Variants in ZNF292 observed in about 807,000 individuals in gnomAD.
ZNF292 encodes the protein zinc finger protein 292, also known as 16 zinc-finger domain protein.
ZNF292 carries 26 observed loss-of-function variants against 217.9 expected under a neutral mutation model. The observed-to-expected ratio is 0.12, with a 90% CI of 0.09 to 0.17. The LOEUF (loss-of-function observed/expected upper bound fraction) is 0.17. Ranked by LOEUF, ZNF292 falls within the 10% of genes least tolerant of loss-of-function variation. The pLI is 1.00. For synonymous variants in ZNF292, 1,257 were observed against 1,124.1 expected (o/e 1.12, Z -2.37); for missense variants, 2,904 against 3,175.2 (o/e 0.91, Z 2.05).
Position 87,260,501 on chromosome 6 carries a change from G to A in ZNF292, c.6872G>A (p.Arg2291His), listed in dbSNP as rs780239535. Residue 2291 changes from arginine (R) to histidine (H), a missense_variant, in exon 8 of 8, where the codon CGT becomes CAT. Physicochemically the swap from Arg to His is conservative, Grantham distance 29. Coordinates refer to ENST00000369577, the MANE Select transcript of ZNF292 (RefSeq NM_015021.3). ...HNDKHKAHLI[R>H]PRRLTPGQEN... Reference sequence around the variant, plus strand: ...GACAAACATAAGGCTCATTTGATTCGTCCAAGAAGATTAACACCAGGCCAG... The same window carrying A: ...GACAAACATAAGGCTCATTTGATTCATCCAAGAAGATTAACACCAGGCCAG... 7 of 1,613,330 alleles carry A rather than the reference G, an allele frequency of 4.3e-6. No homozygotes were observed. Among genetic ancestry groups the A allele is most frequent in the South Asian group, 1.1e-5 (1 of 91,036 alleles).
intron 1 of ZNF292, among the ~76,000 whole-genome samples, chr6:87,193,537 CCA>C (rs1491555329): frequency 1.3e-5 from 2 of 149,486 alleles, no homozygotes; most frequent in Non-Finnish European, 3.0e-5. Context: ...GAGAGACCTT[CCA>C]AAAAAAAAAA....
intron 5 of ZNF292, among the ~76,000 whole-genome samples, chr6:87,235,727 C>G (rs1773873030): frequency 6.6e-6 from 1 of 152,210 alleles, no homozygotes; most frequent in East Asian, 1.9e-4. Flanking sequence ...CTGGGTACTT[C>G]CAGTGTCATA....
intron 1 of ZNF292, among the ~76,000 whole-genome samples, chr6:87,211,949 G>T (rs1340153864): frequency 6.6e-6 from 1 of 152,104 alleles, no homozygotes; most frequent in South Asian, 2.1e-4. Context: ...TCTTGAAGGG[G>T]TGTCGTAACA....
At chr6:87,185,794 T>A (rs1040357997) in intron 1 of ZNF292, among the ~76,000 whole-genome samples, 2 of 152,152 alleles carry the variant, frequency 1.3e-5, no homozygotes, top group Non-Finnish European at 2.9e-5. Flanking sequence ...TTTTTATTTT[T>A]TATTTTTTAA....
intron 1 of ZNF292, among the ~76,000 whole-genome samples, chr6:87,203,633 T>C (rs956881381): frequency 6.6e-6 from 1 of 151,782 alleles, no homozygotes; most frequent in Admixed American, 6.6e-5. Flanking sequence ...CAGAGTGGAA[T>C]GTCAAAGCCC....
intron 1 of ZNF292, among the ~76,000 whole-genome samples, chr6:87,187,923 T>G (rs1452138554): frequency 6.6e-6 from 1 of 152,130 alleles, no homozygotes; most frequent in African/African-American, 2.4e-5. Flanking sequence ...ATTCACCAAC[T>G]GCTACCTATC....
chr6:87,260,377 A>T lies in ZNF292; in HGVS notation c.6748A>T (p.Thr2250Ser). The T allele has an allele frequency of 6.2e-7, 1 of 1,613,566 alleles. No homozygotes were observed. The highest frequency in any genetic ancestry group is 1.1e-5 in the South Asian group (1 of 91,066). Residue 2250 changes from threonine (T) to serine (S), a missense_variant, in exon 8 of 8, where the codon ACA (threonine) becomes TCA (serine). Physicochemically the swap from Thr to Ser is moderately conservative, Grantham distance 58. Transcript: ENST00000369577. Reference sequence around the variant, plus strand: ...CGGGATTGGACTAAGGGCAAGTAAAACAGAAGAAGATGGTGTATACAAATG... The same window carrying T: ...CGGGATTGGACTAAGGGCAAGTAAATCAGAAGAAGATGGTGTATACAAATG... ...DHGIGLRASK[T>S]EEDGVYKCDC...
At chr6:87,240,178 C>T (rs1774197381) in intron 5 of ZNF292, among the ~76,000 whole-genome samples, 2 of 151,644 alleles carry the variant, frequency 1.3e-5, no homozygotes, top group Admixed American at 6.6e-5. Context: ...AGCGAAACCC[C>T]GTCTCCACCA....
Position 87,261,091 on chromosome 6 carries a change from T to TTTA in ZNF292, c.7466_7468dup (p.Ile2489dup). 6.2e-7 allele frequency: 1 copy of TTTA among 1,610,388 alleles called. No homozygotes were observed. Among genetic ancestry groups the TTTA allele is most frequent in the Non-Finnish European group, 8.5e-7 (1 of 1,178,410 alleles). ...TGAAATGGATGAACTAACAGAATTG[T>TTTA]TTATTACAAAATTAATAAATGAAGA... On this transcript the variant is annotated inframe_insertion, in exon 8 of 8. Transcript: ENST00000369577.
At chr6:87,247,170 T>TCAAAAAAAAAA (rs1562173027) in intron 7 of ZNF292, among the ~76,000 whole-genome samples, 1 of 137,566 alleles carries the variant, frequency 7.3e-6, no homozygotes, top group Non-Finnish European at 1.5e-5. Context: ...AGACTTGGTC[T>TCAAAAAAAAAA]TAAAAAAAAA....
At position 87,258,168 on chromosome 6, in the gene ZNF292, A is replaced by G. The variant is rs1289298922; in HGVS notation, c.4539A>G (p.Ser1513=). Residue 1513 remains serine, a synonymous_variant, in exon 8 of 8, where the codon TCA becomes TCG. Coordinates refer to ENST00000369577, the MANE Select transcript of ZNF292 (RefSeq NM_015021.3). ...GTGCCGAAATGCTTTCTCATGTTTC[A>G]ACAGGTTGTGTCTCTGATGCATCAC... ...FEGAEMLSHV[S]TGCVSDASQV... The G allele has an allele frequency of 2.5e-6, 4 of 1,611,936 alleles. No homozygotes were observed. The highest frequency in any genetic ancestry group is 1.7e-5 in the Admixed American group (1 of 59,594).
chr6:87,200,695 A>G (rs1375418068), intron 1 of ZNF292, among the ~76,000 whole-genome samples: 2 of 152,220 alleles, frequency 1.3e-5, no homozygotes, highest in Non-Finnish European at 2.9e-5. Context: ...TCGTGCCATC[A>G]GAATGCTACA....
At chr6:87,167,038 T>G (rs1770940099) in intron 1 of ZNF292, among the ~76,000 whole-genome samples, 1 of 152,196 alleles carries the variant, frequency 6.6e-6, no homozygotes, top group Non-Finnish European at 1.5e-5. Context: ...TGTTAAAGAG[T>G]TACTTGACTC....
intron 1 of ZNF292, among the ~76,000 whole-genome samples, chr6:87,171,927 A>G (rs139615579): frequency 2.0e-5 from 3 of 152,366 alleles, no homozygotes; most frequent in Admixed American, 2.0e-4. Context: ...ATTATTGAAC[A>G]TTAAACTATG....
chr6:87,217,858 T>G (rs957341387), intron 3 of ZNF292, among the ~76,000 whole-genome samples: 9 of 152,138 alleles, frequency 5.9e-5, no homozygotes, highest in Non-Finnish European at 1.2e-4. Flanking sequence ...TCAAGGTTAG[T>G]TTATGCCTGT....
chr6:87,208,656 A>G (rs185687916), intron 1 of ZNF292, among the ~76,000 whole-genome samples: 1,825 of 152,180 alleles, frequency 0.012, 18 homozygotes, highest in Non-Finnish European at 0.018. Flanking sequence ...AAAAATGTCT[A>G]CTGGTCTTTA....
Position 87,169,787 on chromosome 6 carries a change from C to T in ZNF292, c.168+14028C>T, listed in dbSNP as rs184918775. On this transcript the variant is annotated intron_variant, in intron 1 of 7. Coordinates refer to ENST00000369577, the MANE Select transcript of ZNF292 (RefSeq NM_015021.3). ...TCAGCCTCTTGGATAGCTGGGACTACAGATGTGCGCTACCATGCCCAGCTG... is the reference window on the plus strand; with the variant it reads ...TCAGCCTCTTGGATAGCTGGGACTATAGATGTGCGCTACCATGCCCAGCTG... 38 of 382,184 alleles carry T rather than the reference C, an allele frequency of 9.9e-5. No individual in the cohort carries two copies. In the East Asian group the frequency reaches 3.1e-3, roughly 31 times the overall value. The allele number at this position is 382,184 out of a possible 1,614,324, so 23.7% of individuals were successfully genotyped here.
At chr6:87,246,360 G>C (rs1156551656) in intron 7 of ZNF292, among the ~76,000 whole-genome samples, 2 of 152,222 alleles carry the variant, frequency 1.3e-5, no homozygotes, top group African/African-American at 2.4e-5. Context: ...ACAAATACGT[G>C]ATAAAATAAA....
At chr6:87,222,224 G>C (rs4111167) in intron 4 of ZNF292, among the ~76,000 whole-genome samples, 1 of 151,928 alleles carries the variant, frequency 6.6e-6, no homozygotes, top group Non-Finnish European at 1.5e-5. Flanking sequence ...TTGGCATCCA[G>C]GTTCTTCATC....
Sources: allele counts gnomAD v4.1 joint callset (sites outside exome capture counted in the v4.1 genomes callset), GRCh38; gene constraint gnomAD v4.1.1; transcripts MANE v1.5; gene names NCBI Gene and HGNC (gene_info 2026-07-23, HGNC 2026-07-21).